LYRM7: variants seen among roughly 807,000 people sequenced by gnomAD.
LYRM7 encodes LYR motif containing 7.
LYRM7 carries 9 observed loss-of-function variants against 15.8 expected under a neutral mutation model. The observed-to-expected ratio is 0.57, with a 90% CI of 0.34 to 0.99. LYRM7 has a LOEUF of 0.99. LYRM7 is among the 50% of genes least tolerant of loss of function. The pLI is 0.02. For missense variants in LYRM7, 115 were observed against 119.1 expected, an observed-to-expected ratio of 0.97 and a Z score of 0.16; for synonymous variants, 39 against 39.4, an observed-to-expected ratio of 0.99 and a Z score of 0.04.
rs1580701958 is a variant in LYRM7 at position 131,199,458 on chromosome 5, G to A, written c.245-73G>A. The A allele has an allele frequency of 5.0e-6, 5 of 1,003,576 alleles. No individual in the cohort carries two copies. In the East Asian group the frequency reaches 1.3e-4, roughly 26 times the overall value. 62.2% of individuals were successfully genotyped at this position (1,003,576 alleles called of 1,614,324 possible). A position where few individuals can be genotyped will look rare whatever the true frequency, so the allele number is the denominator to read the frequency against. ...ATATTTTACTATTTTAAATTTTAGG[G>A]GGAAATGAGTGTCCTTGCATTTAAT... On this transcript the variant is annotated intron_variant, in intron 4 of 4. Coordinates refer to ENST00000379380, the MANE Select transcript of LYRM7 (RefSeq NM_181705.4).
intron 3 of LYRM7, among the ~76,000 whole-genome samples, chr5:131,184,245 G>A (rs528477345): frequency 4.1e-4 from 62 of 152,334 alleles, no homozygotes; most frequent in East Asian, 2.7e-3. Context: ...GGGATTACAG[G>A]CGTGAGCCAC....
At position 131,192,640 on chromosome 5, in the gene LYRM7, T is replaced by C. The variant is rs185536190; in HGVS notation, c.244+5531T>C. On this transcript the variant is annotated intron_variant, in intron 4 of 4. Coordinates refer to ENST00000379380, the MANE Select transcript of LYRM7 (RefSeq NM_181705.4). ...CTTTATTACAAGCATAATTTTATCA[T>C]TTGAAATAATTCCTTATTTTTAAAA... is the stretch of plus-strand genomic sequence containing the variant. Among the ~76,000 whole-genome samples, 55 of 152,346 alleles carry C rather than the reference T, an allele frequency of 3.6e-4. 1 individual carries two copies. Among genetic ancestry groups the C allele is most frequent in the African/African-American group, 1.3e-3 (54 of 41,592 alleles).
At chr5:131,174,089 C>T (rs942635054) in intron 1 of LYRM7, among the ~76,000 whole-genome samples, 1 of 152,232 alleles carries the variant, frequency 6.6e-6, no homozygotes, top group Non-Finnish European at 1.5e-5. Flanking sequence ...CCAGCCACTA[C>T]TTTATCAACT....
Position 131,180,149 on chromosome 5 carries a change from G to A in LYRM7, c.73G>A (p.Asp25Asn), listed in dbSNP as rs587777433. ...HRTRQQVFKN[D>N]ARALEAARIK... The stretch of plus-strand genomic sequence containing the variant: ...GACCAGACAACAAGTTTTTAAAAAT[G>A]ATGCCAGAGCATTAGAAGGTAAGTA... The change falls in exon 2 of 5, where the codon GAT (aspartate) becomes AAT (asparagine). Residue 25 changes from aspartate (D) to asparagine (N), a missense_variant. Coordinates refer to ENST00000379380, the MANE Select transcript of LYRM7 (RefSeq NM_181705.4). 1 of 1,611,424 alleles carries A rather than the reference G, an allele frequency of 6.2e-7. No individual in the cohort carries two copies.
chr5:131,199,363 T>G (rs745344262), intron 4 of LYRM7, among the ~76,000 whole-genome samples, 168 bp from the exon 5 acceptor site: 28 of 152,198 alleles, frequency 1.8e-4, no homozygotes, highest in Non-Finnish European at 4.1e-4. Context: ...TAATTCTAAT[T>G]AGAGTCAAGG....
intron 4 of LYRM7, among the ~76,000 whole-genome samples, chr5:131,189,428 G>A (rs1755849885): frequency 1.0e-5 from 1 of 99,728 alleles, no homozygotes; most frequent in African/African-American, 4.1e-5. Context: ...GGGCAACAGA[G>A]CAAGACTCCG....
chr5:131,182,638 A>G (rs571121225), intron 3 of LYRM7, among the ~76,000 whole-genome samples: 2 of 152,356 alleles, frequency 1.3e-5, no homozygotes, highest in East Asian at 3.8e-4. Flanking sequence ...AGAACTACAG[A>G]GGAAACTTCT....
intron 3 of LYRM7, among the ~76,000 whole-genome samples, chr5:131,186,506 T>G (rs558770198): frequency 7.2e-5 from 11 of 152,362 alleles, no homozygotes; most frequent in African/African-American, 2.4e-4. Context: ...CCTCAGTGGA[T>G]GCCTCAAATC....
At position 131,184,648 on chromosome 5, in the gene LYRM7, G is replaced by GGT. The variant is rs1554090169; in HGVS notation, c.162+2350_162+2351insTG. Among the ~76,000 whole-genome samples the GGT allele has an allele frequency of 5.3e-5, 8 of 150,122 alleles. No individual in the cohort carries two copies. The South Asian group carries it at 1.3e-3, about 24-fold the overall frequency. On this transcript the variant is annotated intron_variant, in intron 3 of 4. Coordinates refer to ENST00000379380, the MANE Select transcript of LYRM7 (RefSeq NM_181705.4). ...AATGGAATTTTTTTTGGCGGGGGGG[G>GGT]GGTTCCAGGATTCATGCAGACCACC...
intron 1 of LYRM7, 135 bp downstream of exon 1, chr5:131,171,173 A>G: frequency 7.5e-6 from 7 of 936,518 alleles, no homozygotes; most frequent in Non-Finnish European, 1.0e-5. Context: ...ACCCCAGAGA[A>G]GCCAGATGAC....
At chr5:131,180,066 C>G in intron 1 of LYRM7, 29 bp from the exon 2 acceptor site, 1 of 1,532,322 alleles carries the variant, frequency 6.5e-7, no homozygotes. Context: ...GCCACTGTGC[C>G]CAACCTTGAA....
Position 131,187,078 on chromosome 5 carries a change from A to G in LYRM7, c.213A>G (p.Ile71Met). 1.3e-6 allele frequency: 2 copies of G among 1,564,158 alleles called. No individual in the cohort carries two copies. Among genetic ancestry groups the G allele is most frequent in the Non-Finnish European group, 1.7e-6 (2 of 1,148,094 alleles). The change falls in exon 4 of 5, where the codon ATA becomes ATG. Residue 71 changes from isoleucine to methionine, a missense_variant. Coordinates refer to ENST00000379380, the MANE Select transcript of LYRM7 (RefSeq NM_181705.4). ...AATTATTACTCAGAACATCTGTTATACAAGGTATTCACACAGACCACAATA... is the reference window on the plus strand; with the variant it reads ...AATTATTACTCAGAACATCTGTTATGCAAGGTATTCACACAGACCACAATA... The part of the protein sequence containing the change: ...DVELLLRTSV[I>M]QGIHTDHNTL...
At chr5:131,184,115 G>T (rs1269394962) in intron 3 of LYRM7, among the ~76,000 whole-genome samples, 1 of 151,962 alleles carries the variant, frequency 6.6e-6, no homozygotes, top group Non-Finnish European at 1.5e-5. Context: ...GATTACAGGT[G>T]CATGCTACCA....
intron 4 of LYRM7, among the ~76,000 whole-genome samples, chr5:131,188,794 G>T (rs964121840): frequency 1.3e-5 from 2 of 152,110 alleles, no homozygotes; most frequent in Admixed American, 6.6e-5. Context: ...TTCTATTAAA[G>T]AAATCTTTGA....
intron 4 of LYRM7, among the ~76,000 whole-genome samples, chr5:131,190,205 T>A (rs992784095): frequency 6.6e-6 from 1 of 152,058 alleles, no homozygotes; most frequent in Non-Finnish European, 1.5e-5. Context: ...CGTTTTGTTT[T>A]GTTTAGTTTA....
intron 4 of LYRM7, among the ~76,000 whole-genome samples, chr5:131,193,254 G>A (rs1201499098): frequency 6.6e-6 from 1 of 152,162 alleles, no homozygotes; most frequent in Non-Finnish European, 1.5e-5. Flanking sequence ...ACATTGAATC[G>A]CTGTTATGCT....
intron 3 of LYRM7, among the ~76,000 whole-genome samples, chr5:131,184,131 A>G (rs1360862915): frequency 6.6e-6 from 1 of 151,918 alleles, no homozygotes; most frequent in Non-Finnish European, 1.5e-5. Flanking sequence ...TACCACACCC[A>G]GCTAATTTTT....
intron 4 of LYRM7, among the ~76,000 whole-genome samples, chr5:131,193,727 G>C (rs1203485885): frequency 6.6e-6 from 1 of 151,944 alleles, no homozygotes; most frequent in African/African-American, 2.4e-5. Flanking sequence ...TTGCTTTTTG[G>C]CCGGGTGCGG....
intron 3 of LYRM7, among the ~76,000 whole-genome samples, chr5:131,185,244 G>C (rs953322289): frequency 1.3e-5 from 2 of 152,046 alleles, no homozygotes; most frequent in Admixed American, 1.3e-4. Context: ...AAAATCTAAA[G>C]TGCTTAACAT....
Sources: allele counts gnomAD v4.1 joint callset (sites outside exome capture counted in the v4.1 genomes callset), GRCh38; gene constraint gnomAD v4.1.1; transcripts MANE v1.5; gene names NCBI Gene and HGNC (gene_info 2026-07-23, HGNC 2026-07-21).